Variants in TTC12 observed in about 807,000 individuals in gnomAD.
TTC12 encodes tetratricopeptide repeat protein 12.
In TTC12, 70 loss-of-function variants were observed where a neutral mutation model predicts 90.1. The observed-to-expected ratio is 0.78, with a 90% CI of 0.64 to 0.95. The LOEUF (loss-of-function observed/expected upper bound fraction) is 0.95. Ranked by LOEUF, TTC12 falls within the 40% of genes least tolerant of loss-of-function variation. The pLI is 0.00. For missense variants in TTC12, 819 were observed against 846.1 expected (o/e 0.97, Z 0.40); for synonymous variants, 296 against 311.5 (o/e 0.95, Z 0.53).
chr11:113,360,907 A>G (rs1440520664), intron 18 of TTC12, among the ~76,000 whole-genome samples: 1 of 152,230 alleles, frequency 6.6e-6, no homozygotes, highest in African/African-American at 2.4e-5. Flanking sequence ...GGGGCATCGT[A>G]GCTTTCATCA....
At chr11:113,341,005 G>A (rs1948650353) in intron 11 of TTC12, among the ~76,000 whole-genome samples, 1 of 152,128 alleles carries the variant, frequency 6.6e-6, no homozygotes, top group South Asian at 2.1e-4. Flanking sequence ...CAAGGCGGGC[G>A]GATCACTTGA....
chr11:113,335,120 CAA>C, intron 8 of TTC12, 83 bp downstream of exon 8: 9 of 1,000,268 alleles, frequency 9.0e-6, no homozygotes, highest in Non-Finnish European at 1.4e-5. Flanking sequence ...CATGATTCTC[CAA>C]GCTGATTAGG....
At chr11:113,345,181 G>A (rs1948879375) in intron 13 of TTC12, among the ~76,000 whole-genome samples, 1 of 152,162 alleles carries the variant, frequency 6.6e-6, no homozygotes, top group Non-Finnish European at 1.5e-5. Flanking sequence ...CATTTTATGT[G>A]GTTCAATCTA....
chr11:113,352,859 G>T (rs1949389950), intron 16 of TTC12, among the ~76,000 whole-genome samples: 1 of 152,150 alleles, frequency 6.6e-6, no homozygotes, highest in African/African-American at 2.4e-5. Context: ...ATCATTGATG[G>T]GCATTTAGGT....
At chr11:113,367,575 A>C (rs1314755013), downstream of TTC12, among the ~76,000 whole-genome samples, 3 of 152,256 alleles carry the variant, frequency 2.0e-5, no homozygotes, top group African/African-American at 7.2e-5. Context: ...CCATTCTCTG[A>C]AGCATGTAGG....
At chr11:113,372,403 G>A (rs935531531) in intron 21 of TTC12, among the ~76,000 whole-genome samples, 13 of 152,118 alleles carry the variant, frequency 8.5e-5, no homozygotes, top group Non-Finnish European at 1.6e-4. Flanking sequence ...TATGCTGTAC[G>A]CCTTCCCAGG....
chr11:113,333,658 T>C (rs1191033866), intron 7 of TTC12, among the ~76,000 whole-genome samples: 1 of 152,156 alleles, frequency 6.6e-6, no homozygotes, highest in Non-Finnish European at 1.5e-5. Flanking sequence ...TGTGAGATCA[T>C]CCATATGAAC....
At chr11:113,351,975 C>T (rs1021075180) in intron 15 of TTC12, 95 bp from the exon 16 acceptor site, 11 of 1,429,152 alleles carry the variant, frequency 7.7e-6, no homozygotes, top group Middle Eastern at 2.5e-4. Flanking sequence ...CTGGTTGGTT[C>T]GTGGGCCTTT....
chr11:113,343,501 T>G (rs1384785036), intron 12 of TTC12, among the ~76,000 whole-genome samples: 2 of 152,196 alleles, frequency 1.3e-5, no homozygotes, highest in Non-Finnish European at 1.5e-5. Context: ...TCTGGCTCTT[T>G]CAGGGCTAGA....
At chr11:113,363,075 G>A (rs553754348) in intron 19 of TTC12, among the ~76,000 whole-genome samples, 56 of 152,338 alleles carry the variant, frequency 3.7e-4, no homozygotes, top group African/African-American at 1.3e-3. Flanking sequence ...CCTATGATGT[G>A]TGTGCCCATG....
chr11:113,366,289 AGTGATTCTTGAGAGAGACAGGGTTTGT>A lies in TTC12; in HGVS notation c.2111_*19del, dbSNP rs1419212889. The A allele has an allele frequency of 1.2e-6, 2 of 1,613,718 alleles. No individual in the cohort carries two copies. The highest frequency in any genetic ancestry group is 1.7e-6 in the Non-Finnish European group (2 of 1,180,016). On this transcript the variant is annotated stop_lost and 3_prime_UTR_variant, in exon 22 of 22. Transcript: ENST00000529221. ...TCTCAACTCTACGATGAAATACATC[AGTGATTCTTGAGAGAGACAGGGTTTGT>A]GTGCATTTGGGGAACACACAGATGC...
chr11:113,360,347 ATAT>A, intron 18 of TTC12, among the ~76,000 whole-genome samples: 1 of 152,092 alleles, frequency 6.6e-6, no homozygotes, highest in African/African-American at 2.4e-5. Flanking sequence ...CTATTTCAAA[ATAT>A]CCTGTGCAAA....
chr11:113,321,561 T>TA (rs1228182033), intron 2 of TTC12, among the ~76,000 whole-genome samples: 1 of 152,240 alleles, frequency 6.6e-6, no homozygotes. Context: ...ACAACTATTT[T>TA]AAAAAATTGT....
chr11:113,350,123 A>G lies in TTC12; in HGVS notation c.1205A>G (p.Asn402Ser), dbSNP rs781986218. 1 of 1,614,048 alleles carries G rather than the reference A, an allele frequency of 6.2e-7. No individual in the cohort carries two copies. The highest frequency in any genetic ancestry group is 8.5e-7 in the Non-Finnish European group (1 of 1,179,888). The change falls in exon 14 of 22, where the codon AAC becomes AGC. Residue 402 changes from asparagine (N) to serine (S), a missense_variant. Coordinates refer to ENST00000529221, the MANE Select transcript of TTC12 (RefSeq NM_017868.4). ...SFLDFSDKEA[N>S]TAMGLFTDLA... ...CTTGATTTCTCGGATAAGGAGGCCA[A>G]CACTGCTATGGGACTGTTCACAGAC...
chr11:113,324,574 T>C, intron 4 of TTC12, 31 bp from the exon 5 acceptor site: 1 of 1,596,478 alleles, frequency 6.3e-7, no homozygotes, highest in Non-Finnish European at 8.6e-7. Flanking sequence ...TGGATTTTTC[T>C]TTTTAATATC....
In TTC12 at chr11:113,359,398, G is replaced by C; in HGVS notation, c.1482G>C (p.Glu494Asp). 6.2e-7 allele frequency: 1 copy of C among 1,612,848 alleles called. No homozygotes were observed. The highest frequency in any genetic ancestry group is 8.5e-7 in the Non-Finnish European group (1 of 1,179,090). ...RCEEDVDLFR[E>D]VIYTLLGLMM... The stretch of plus-strand genomic sequence containing the variant: ...AGGAGGATGTGGACCTGTTCAGAGA[G>C]GTTATCTACACACTCCTGGGACTCA... Residue 494 changes from glutamate (E) to aspartate (D), a missense_variant, in exon 17 of 22, where the codon GAG (glutamate) becomes GAC (aspartate). By Grantham distance (45) the Glu-to-Asp change is conservative (BLOSUM62 2). Transcript: ENST00000529221.
rs782119393 is a variant in TTC12, at chr11:113,323,363, T to C, written c.134T>C (p.Leu45Pro). 1 of 1,613,558 alleles carries C rather than the reference T, an allele frequency of 6.2e-7. No individual in the cohort carries two copies. ...QKAVLETEKR[L>P]LLMEEDQEED... ...GCTGTCCTGGAGACAGAAAAGAGAC[T>C]ACTGCTTATGGAGGAAGACCAGGAG... Residue 45 changes from leucine (L) to proline (P), a missense_variant, in exon 3 of 22, where the codon CTA (leucine) becomes CCA (proline). Physicochemically the swap from Leu to Pro is moderately conservative, Grantham distance 98. Coordinates refer to ENST00000529221, the MANE Select transcript of TTC12 (RefSeq NM_017868.4).
At chr11:113,356,547 T>C (rs1418927798) in intron 16 of TTC12, among the ~76,000 whole-genome samples, 2 of 152,238 alleles carry the variant, frequency 1.3e-5, no homozygotes, top group African/African-American at 4.8e-5. Flanking sequence ...TGCTGGTCTG[T>C]GTACTTCAGT....
intron 5 of TTC12, among the ~76,000 whole-genome samples, chr11:113,325,093 GTGTA>G (rs762869490): frequency 3.1e-4 from 47 of 152,152 alleles, no homozygotes; most frequent in Non-Finnish European, 6.3e-4. Flanking sequence ...GGATGGGATT[GTGTA>G]TGTTGCAGGG....
Sources: allele counts gnomAD v4.1 joint callset (sites outside exome capture counted in the v4.1 genomes callset), GRCh38; gene constraint gnomAD v4.1.1; transcripts MANE v1.5; gene names NCBI Gene and HGNC (gene_info 2026-07-23, HGNC 2026-07-21).